CNGA1: variants seen among roughly 807,000 people sequenced by gnomAD.
The protein encoded by CNGA1 is cyclic nucleotide-gated channel alpha-1.
CNGA1 carries 53 observed loss-of-function variants against 69.7 expected under a neutral mutation model. That is an observed-to-expected ratio of 0.76 (90% CI 0.61 to 0.96). The LOEUF (loss-of-function observed/expected upper bound fraction) is 0.96, where lower values mean the gene tolerates loss of function less well. Ranked by LOEUF, CNGA1 falls within the 40% of genes least tolerant of loss-of-function variation. The probability of loss-of-function intolerance (pLI) is 0.00; values close to 1 mark genes in which losing one functional copy is unlikely to be tolerated. For missense variants in CNGA1, 739 were observed against 811.2 expected (o/e 0.91, Z 1.08); for synonymous variants, 249 against 283.5 (o/e 0.88, Z 1.22).
chr4:47,950,208 G>A (rs913275422), intron 5 of CNGA1, among the ~76,000 whole-genome samples: 7 of 152,198 alleles, frequency 4.6e-5, no homozygotes, highest in African/African-American at 1.4e-4. Context: ...GAGGGACCCA[G>A]TGGGAAGTAA....
At chr4:47,969,091 G>C (rs890093782) in intron 3 of CNGA1, among the ~76,000 whole-genome samples, 1 of 152,102 alleles carries the variant, frequency 6.6e-6, no homozygotes, top group Admixed American at 6.5e-5. Flanking sequence ...TTTTGTGTAA[G>C]GTAAAGTGGA....
intron 6 of CNGA1, among the ~76,000 whole-genome samples, chr4:47,947,466 A>G (rs1461851948): frequency 6.6e-6 from 1 of 152,068 alleles, no homozygotes; most frequent in Non-Finnish European, 1.5e-5. Context: ...CGTGAGGCCA[A>G]GGAGTTAGAG....
chr4:47,952,762 T>A, intron 3 of CNGA1, 59 bp from the exon 4 acceptor site: 1 of 1,290,946 alleles, frequency 7.7e-7, no homozygotes, highest in South Asian at 1.7e-5. Flanking sequence ...ACATATATAA[T>A]CAAAAGTTTC....
Position 47,994,762 on chromosome 4 carries a change from G to C in CNGA1, c.-122-13262C>G, listed in dbSNP as rs373933247. The stretch of plus-strand genomic sequence containing the variant: ...TTTTTGTTTTTTAAATTGTATTTTT[G>C]TTTTATAGGTTCTGTGAGATATATG... On this transcript the variant is annotated intron_variant, in intron 2 of 10. Transcript: ENST00000514170. Among the ~76,000 whole-genome samples, 131 of 152,044 alleles carry C rather than the reference G, an allele frequency of 8.6e-4. 2 individuals are homozygous for C. The highest frequency in any genetic ancestry group is 3.4e-3 in the Middle Eastern group (1 of 294).
chr4:47,980,472 C>CTTTTTT (rs5858098), intron 3 of CNGA1, among the ~76,000 whole-genome samples: 11 of 112,368 alleles, frequency 9.8e-5, no homozygotes, highest in African/African-American at 2.4e-4. Flanking sequence ...TTCTTTCTTT[C>CTTTTTT]TTTTTTTTTT....
At chr4:47,976,199 GTATA>G (rs367544700) in intron 3 of CNGA1, among the ~76,000 whole-genome samples, 8 of 15,106 alleles carry the variant, frequency 5.3e-4, no homozygotes, top group Non-Finnish European at 7.9e-4. Flanking sequence ...ACATATATAT[GTATA>G]TATATATATA....
chr4:47,950,995 G>T (rs1286401775), intron 5 of CNGA1, among the ~76,000 whole-genome samples: 1 of 152,136 alleles, frequency 6.6e-6, no homozygotes, highest in Non-Finnish European at 1.5e-5. Context: ...GACCCCAGTG[G>T]GTCTCAGGGA....
In CNGA1 at chr4:47,949,840, T is replaced by TA; in HGVS notation, c.279dup (p.Lys94Ter). 6.2e-7 allele frequency: 1 copy of TA among 1,613,960 alleles called. No homozygotes were observed. On this transcript the variant is annotated frameshift_variant, in exon 6 of 11. Transcript: ENST00000514170. LOFTEE classifies it high-confidence loss of function. ...TATTGTAAATATACTTACTGGTCCT[T>TA]ATTGCTGCTGTTGTTCACATTAAAA... is the stretch of plus-strand genomic sequence containing the variant.
At chr4:47,945,686 T>C (rs556954693) in intron 6 of CNGA1, among the ~76,000 whole-genome samples, 16 of 152,314 alleles carry the variant, frequency 1.1e-4, no homozygotes, top group Non-Finnish European at 2.1e-4. Flanking sequence ...AATTCTTGAA[T>C]ATAAAAGTAG....
intron 3 of CNGA1, among the ~76,000 whole-genome samples, chr4:47,974,113 TAGATAGATAGATGATA>T (rs1189795919): frequency 2.2e-4 from 33 of 147,226 alleles, no homozygotes; most frequent in East Asian, 2.0e-4. Context: ...GATAGATAGA[TAGATAGATAGATGATA>T]GATAGCTAGA....
At chr4:47,987,714 G>A (rs1742044305) in intron 2 of CNGA1, among the ~76,000 whole-genome samples, 1 of 152,098 alleles carries the variant, frequency 6.6e-6, no homozygotes, top group South Asian at 2.1e-4. Context: ...ATATGATAAA[G>A]AAGAAAACAA....
chr4:47,960,190 A>C (rs577851391), intron 3 of CNGA1, among the ~76,000 whole-genome samples: 1 of 152,336 alleles, frequency 6.6e-6, no homozygotes, highest in South Asian at 2.1e-4. Flanking sequence ...GTCAACAAAT[A>C]AATGCAAATT....
intron 3 of CNGA1, among the ~76,000 whole-genome samples, chr4:47,980,290 G>A (rs768658915): frequency 6.6e-6 from 1 of 151,990 alleles, no homozygotes; most frequent in Non-Finnish European, 1.5e-5. Flanking sequence ...GTTTTAAGAG[G>A]TATCTTTATT....
At chr4:47,966,963 G>C (rs1016898529) in intron 3 of CNGA1, among the ~76,000 whole-genome samples, 12 of 152,164 alleles carry the variant, frequency 7.9e-5, no homozygotes, top group African/African-American at 2.9e-4. Context: ...ACCAGGAATA[G>C]AAGGGAACTT....
chr4:47,980,892 A>ATTCTCTTCAGACCACTTATTC (rs1553868204), intron 3 of CNGA1, among the ~76,000 whole-genome samples: 1 of 149,630 alleles, frequency 6.7e-6, no homozygotes, highest in Admixed American at 6.6e-5. Flanking sequence ...CGAGGCACTT[A>ATTCTCTTCAGACCACTTATTC]ATCTCTTCAG....
intron 3 of CNGA1, among the ~76,000 whole-genome samples, chr4:47,965,425 T>C: frequency 6.6e-6 from 1 of 150,568 alleles, no homozygotes; most frequent in Non-Finnish European, 1.5e-5. Context: ...TATGATAAGT[T>C]ATTCTTTTTT....
chr4:47,937,535 G>C lies in CNGA1; in HGVS notation c.947C>G (p.Ser316Cys), dbSNP rs62625014. ...IIHWNACVFY[S>C]ISKAIGFGND... ...TCCAAATCCAATAGCTTTAGAAATA[G>C]AGTAGAACACACATGCATTCCAGTG... The change falls in exon 11 of 11, where the codon TCT becomes TGT. Residue 316 changes from serine (S) to cysteine (C), a missense_variant. Ser to Cys is a moderately radical substitution (Grantham distance 112). Coordinates refer to ENST00000514170, the MANE Select transcript of CNGA1 (RefSeq NM_001379270.1). The C allele has an allele frequency of 8.1e-6, 13 of 1,614,062 alleles. No individual in the cohort carries two copies. Among genetic ancestry groups the C allele is most frequent in the Admixed American group, 1.7e-5 (1 of 60,008 alleles).
At chr4:47,996,480 G>A (rs553853566) in intron 2 of CNGA1, among the ~76,000 whole-genome samples, 1 of 152,052 alleles carries the variant, frequency 6.6e-6, no homozygotes, top group Non-Finnish European at 1.5e-5. Flanking sequence ...TAGCATAATG[G>A]GAATAGATTC....
At chr4:47,998,003 A>C (rs1201794673) in intron 2 of CNGA1, among the ~76,000 whole-genome samples, 1 of 152,242 alleles carries the variant, frequency 6.6e-6, no homozygotes, top group Non-Finnish European at 1.5e-5. Context: ...ACATCTGTAT[A>C]CTGTAGTCTA....
Sources: gnomAD v4.1 joint callset for allele counts (sites outside exome capture counted in the v4.1 genomes callset) on GRCh38, gnomAD v4.1.1 for gene constraint, MANE v1.5 for transcripts, NCBI Gene and HGNC (gene_info 2026-07-23, HGNC 2026-07-21) for gene names.